Variants in ADARB2 observed in about 807,000 individuals in gnomAD.
The protein encoded by ADARB2 is inactive double-stranded RNA-specific editase B2.
ADARB2 carries 25 observed loss-of-function variants against 62.2 expected under a neutral mutation model. The ratio of observed to expected loss-of-function variants is 0.40; its 90% CI spans 0.29 to 0.56. The LOEUF (loss-of-function observed/expected upper bound fraction) is 0.56. Ranked by LOEUF, ADARB2 falls within the 20% of genes least tolerant of loss-of-function variation. The probability of loss-of-function intolerance (pLI) is 0.43; values close to 1 mark genes in which losing one functional copy is unlikely to be tolerated. For synonymous variants in ADARB2, 572 were observed against 500.8 expected (o/e 1.14, Z -1.90); for missense variants, 1,071 against 1,077.4 (o/e 0.99, Z 0.08).
chr10:1,621,442 G>T lies in ADARB2; in HGVS notation c.100+115609C>A, dbSNP rs547113129. On this transcript the variant is annotated intron_variant, in intron 1 of 9. Transcript: ENST00000381312. ...TTTCTTTTTTTTTTTTTGAGACAGG[G>T]TCTCACTCTGCCACTTGGGCTGGAG... Among the ~76,000 whole-genome samples the T allele has an allele frequency of 2.5e-3, 369 of 150,540 alleles. 3 individuals are homozygous for T. The highest frequency in any genetic ancestry group is 8.3e-3 in the African/African-American group (340 of 40,884).
intron 1 of ADARB2, among the ~76,000 whole-genome samples, chr10:1,402,378 T>C (rs1223558828): frequency 1.3e-5 from 2 of 152,156 alleles, no homozygotes; most frequent in Non-Finnish European, 2.9e-5. Context: ...CACTCTGCTT[T>C]GCCTGGTGGG....
At chr10:1,587,496 G>T (rs1833196252) in intron 1 of ADARB2, among the ~76,000 whole-genome samples, 1 of 151,756 alleles carries the variant, frequency 6.6e-6, no homozygotes, top group East Asian at 1.9e-4. Flanking sequence ...AGAAGAAGGT[G>T]GTTCTGTGTG....
chr10:1,713,166 C>T (rs188182176), intron 1 of ADARB2, among the ~76,000 whole-genome samples: 114 of 152,274 alleles, frequency 7.5e-4, no homozygotes, highest in African/African-American at 2.4e-3. Context: ...ACCTGGGTGC[C>T]GGCGAGGGGA....
chr10:1,736,834 C>T (rs12573454), intron 1 of ADARB2, among the ~76,000 whole-genome samples: 12,001 of 152,252 alleles, frequency 0.079, 647 homozygotes, highest in East Asian at 0.22. Context: ...TCAAACATGT[C>T]GCAGCGTGGC....
intron 2 of ADARB2, among the ~76,000 whole-genome samples, chr10:1,368,432 G>A (rs756540169): frequency 5.3e-5 from 8 of 151,974 alleles, no homozygotes; most frequent in Non-Finnish European, 7.4e-5. Context: ...CTCTCTGTCC[G>A]GGCCCTACTT....
chr10:1,287,801 T>C (rs977000742), intron 3 of ADARB2, among the ~76,000 whole-genome samples: 1 of 152,186 alleles, frequency 6.6e-6, no homozygotes, highest in Non-Finnish European at 1.5e-5. Flanking sequence ...CATTCAAAGG[T>C]TAAGTTAGTG....
intron 3 of ADARB2, among the ~76,000 whole-genome samples, chr10:1,310,626 G>A (rs1831680779): frequency 6.6e-6 from 1 of 152,210 alleles, no homozygotes; most frequent in South Asian, 2.1e-4. Flanking sequence ...TAGTGATGGG[G>A]TGACAGTGGA....
At chr10:1,468,641 C>T (rs1237672313) in intron 1 of ADARB2, among the ~76,000 whole-genome samples, 3 of 152,206 alleles carry the variant, frequency 2.0e-5, no homozygotes, top group Non-Finnish European at 4.4e-5. Flanking sequence ...TTTTGGCAGT[C>T]GGGGCTGGGG....
chr10:1,235,036 C>G (rs938524962), intron 5 of ADARB2, among the ~76,000 whole-genome samples: 4 of 152,170 alleles, frequency 2.6e-5, no homozygotes, highest in African/African-American at 9.7e-5. Flanking sequence ...CGAGAGCCAC[C>G]ACACTGGGCC....
intron 1 of ADARB2, among the ~76,000 whole-genome samples, chr10:1,401,416 G>A (rs1005587283): frequency 1.3e-5 from 2 of 152,212 alleles, no homozygotes; most frequent in Admixed American, 6.5e-5. Flanking sequence ...TGGGTTCTGG[G>A]GTTTCACAGC....
chr10:1,340,053 CG>C (rs1414607508), intron 3 of ADARB2, among the ~76,000 whole-genome samples: 1 of 152,012 alleles, frequency 6.6e-6, no homozygotes, highest in Non-Finnish European at 1.5e-5. Flanking sequence ...CACGTGGGTC[CG>C]GAATTGAATC....
intron 4 of ADARB2, among the ~76,000 whole-genome samples, chr10:1,246,984 T>C (rs1830991700): frequency 6.6e-6 from 1 of 152,156 alleles, no homozygotes; most frequent in Non-Finnish European, 1.5e-5. Context: ...GTTCTTCCAT[T>C]TGTTTGTATC....
At chr10:1,605,900 A>G (rs768743915) in intron 1 of ADARB2, among the ~76,000 whole-genome samples, 54 of 152,212 alleles carry the variant, frequency 3.5e-4, no homozygotes, top group Non-Finnish European at 5.6e-4. Flanking sequence ...AATGAAATAA[A>G]ATATTGATTT....
intron 1 of ADARB2, among the ~76,000 whole-genome samples, chr10:1,528,734 C>A (rs1163951412): frequency 6.6e-6 from 1 of 152,202 alleles, no homozygotes; most frequent in Admixed American, 6.5e-5. Context: ...TAGATGCTGT[C>A]ATGTTTGGTC....
intron 8 of ADARB2, chr10:1,199,621 C>T: frequency 4.2e-6 from 1 of 238,396 alleles, no homozygotes. Flanking sequence ...CTGTGGGCGG[C>T]CAGGTGGGCA....
chr10:1,702,683 G>A (rs76872112), intron 1 of ADARB2, among the ~76,000 whole-genome samples: 4,005 of 152,292 alleles, frequency 0.026, 78 homozygotes, highest in Middle Eastern at 0.058. Context: ...ATTCCCCAGG[G>A]TACATGCTCC....
intron 1 of ADARB2, among the ~76,000 whole-genome samples, chr10:1,393,940 T>C (rs1832590618): frequency 6.6e-6 from 1 of 152,240 alleles, no homozygotes; most frequent in Admixed American, 6.5e-5. Flanking sequence ...TGCAAAGTTC[T>C]AGACATGAGT....
chr10:1,560,118 TAGTC>T (rs1343403956), intron 1 of ADARB2, among the ~76,000 whole-genome samples: 1 of 152,150 alleles, frequency 6.6e-6, no homozygotes, highest in Non-Finnish European at 1.5e-5. Flanking sequence ...ATTCCCAGAC[TAGTC>T]GGCTCCCTAA....
chr10:1,563,690 T>G (rs1347692367), intron 1 of ADARB2, among the ~76,000 whole-genome samples: 1 of 151,554 alleles, frequency 6.6e-6, no homozygotes, highest in African/African-American at 2.4e-5. Context: ...GCAGGTCAGT[T>G]ACATATGTAT....
Sources: allele counts gnomAD v4.1 joint callset (sites outside exome capture counted in the v4.1 genomes callset), GRCh38; gene constraint gnomAD v4.1.1; transcripts MANE v1.5; gene names NCBI Gene and HGNC (gene_info 2026-07-23, HGNC 2026-07-21).